The following PIK3R1 variants were observed in gnomAD, a reference collection of about 807,000 sequenced individuals.
PIK3R1 encodes phosphatidylinositol 3-kinase regulatory subunit alpha.
PIK3R1 carries 29 observed loss-of-function variants against 98.0 expected under a neutral mutation model. The observed-to-expected ratio is 0.30, with a 90% CI of 0.22 to 0.40. The LOEUF (loss-of-function observed/expected upper bound fraction) is 0.40. PIK3R1 is among the 10% of genes least tolerant of loss of function. PIK3R1 has a pLI of 1.00. For synonymous variants in PIK3R1, 282 were observed against 311.8 expected (o/e 0.90, Z 1.01); for missense variants, 596 against 872.7 (o/e 0.68, Z 3.99).
chr5:68,300,689 A>G lies in PIK3R1; in HGVS notation c.*3088A>G. The G allele has an allele frequency of 4.3e-6, 1 of 233,324 alleles. No individual in the cohort carries two copies. Among genetic ancestry groups the G allele is most frequent in the Non-Finnish European group, 8.5e-6 (1 of 118,058 alleles). 14.5% of individuals were successfully genotyped at this position (233,324 alleles called of 1,614,324 possible). A position where few individuals can be genotyped will look rare whatever the true frequency, so the allele number is the denominator to read the frequency against. ...CTTTCAGCCAAAACAGATCCACAGT[A>G]GTTGTTGAGTTCAAGTACATAAAGT... is the stretch of plus-strand genomic sequence containing the variant. On this transcript the variant is annotated 3_prime_UTR_variant, in exon 16 of 16. Transcript: ENST00000521381.
chr5:68,301,651 G>A lies in PIK3R1; in HGVS notation c.*4050G>A, dbSNP rs531471181. The A allele has an allele frequency of 2.4e-4, 31 of 131,656 alleles. No homozygotes were observed. Among genetic ancestry groups the A allele is most frequent in the Admixed American group, 4.6e-4 (5 of 10,878 alleles). The allele number at this position is 131,656 out of a possible 1,614,324, so 8.2% of individuals were successfully genotyped here. On this transcript the variant is annotated 3_prime_UTR_variant, in exon 16 of 16. Transcript: ENST00000521381. ...CTTTTGACGAGAGGGAGGATGTCACGGTCAGTTGTAACTTTGCCTTCACAA... is the reference window on the plus strand; with the variant it reads ...CTTTTGACGAGAGGGAGGATGTCACAGTCAGTTGTAACTTTGCCTTCACAA...
chr5:68,298,112 A>G lies in PIK3R1; in HGVS notation c.*511A>G, dbSNP rs1192092910. Reference sequence around the variant, plus strand: ...ACTGTGGATTATTTCATTTTGTAACAAATGAACGATATGTAGCAGAAAGGC... The same window carrying G: ...ACTGTGGATTATTTCATTTTGTAACGAATGAACGATATGTAGCAGAAAGGC... On this transcript the variant is annotated 3_prime_UTR_variant, in exon 16 of 16. Transcript: ENST00000521381. 1 of 230,886 alleles carries G rather than the reference A, an allele frequency of 4.3e-6. No homozygotes were observed. The highest frequency in any genetic ancestry group is 6.2e-5 in the East Asian group (1 of 16,186). 14.3% of individuals were successfully genotyped at this position (230,886 alleles called of 1,614,324 possible). A position where few individuals can be genotyped will look rare whatever the true frequency, so the allele number is the denominator to read the frequency against.
intron 2 of PIK3R1, among the ~76,000 whole-genome samples, chr5:68,231,051 A>G (rs1247310693): frequency 6.6e-6 from 1 of 152,160 alleles, no homozygotes. Context: ...TTTCTCTTGT[A>G]CACAACGAAA....
At chr5:68,290,926 GT>G in intron 7 of PIK3R1, 2 of 789,806 alleles carry the variant, frequency 2.5e-6, no homozygotes, top group Non-Finnish European at 4.0e-6. Context: ...TTGGATTTCT[GT>G]TTTTATTAAT....
In PIK3R1 at chr5:68,273,700, T is replaced by TA. The variant is rs1300120818; in HGVS notation, c.427+219dup. 6.7e-6 allele frequency: 4 copies of TA among 594,186 alleles called. No individual in the cohort carries two copies. In the Admixed American group the frequency reaches 1.2e-4, roughly 18 times the overall value. 36.8% of individuals were successfully genotyped at this position (594,186 alleles called of 1,614,324 possible). ...TATCATGTAGTTTCCATATGGAAAC[T>TA]ATTAAATTCTTCATAATTTAATAAA... On this transcript the variant is annotated intron_variant, in intron 3 of 15. Transcript: ENST00000521381.
chr5:68,223,895 ATGG>A (rs1033689751), intron 1 of PIK3R1, among the ~76,000 whole-genome samples: 16 of 152,232 alleles, frequency 1.1e-4, no homozygotes, highest in African/African-American at 3.6e-4. Context: ...GGCTTGCTTG[ATGG>A]TTCCTGGAGG....
In PIK3R1 at chr5:68,300,283, T is replaced by C; in HGVS notation, c.*2682T>C. On this transcript the variant is annotated 3_prime_UTR_variant, in exon 16 of 16. Transcript: ENST00000521381. ...CTGTTCTGCCCAATGCCTTTTTGAT[T>C]ACAGTGTAGCTTGCCCACCGCATTT... 1 of 233,194 alleles carries C rather than the reference T, an allele frequency of 4.3e-6. No individual in the cohort carries two copies. Among genetic ancestry groups the C allele is most frequent in the Non-Finnish European group, 8.5e-6 (1 of 117,982 alleles). The allele number at this position is 233,194 out of a possible 1,614,324, so 14.4% of individuals were successfully genotyped here. A position where few individuals can be genotyped will look rare whatever the true frequency, so the allele number is the denominator to read the frequency against.
chr5:68,266,849 C>G (rs942799390), intron 2 of PIK3R1, among the ~76,000 whole-genome samples: 2 of 152,208 alleles, frequency 1.3e-5, no homozygotes, highest in African/African-American at 4.8e-5. Flanking sequence ...GAAAATATTT[C>G]TGTAAAATAC....
intron 2 of PIK3R1, among the ~76,000 whole-genome samples, chr5:68,271,790 A>C (rs2112157559): frequency 7.3e-6 from 1 of 136,164 alleles, no homozygotes; most frequent in African/African-American, 3.4e-5. Flanking sequence ...ATTAGGTGGA[A>C]AGATCATGCA....
intron 5 of PIK3R1, chr5:68,280,155 G>C (rs1033659154): frequency 6.4e-6 from 2 of 313,908 alleles, no homozygotes; most frequent in African/African-American, 4.3e-5. Context: ...GTTCAGTTAA[G>C]TGCTTTGGGG....
intron 2 of PIK3R1, among the ~76,000 whole-genome samples, chr5:68,267,886 C>G (rs1345840664): frequency 6.6e-6 from 1 of 152,046 alleles, no homozygotes; most frequent in Non-Finnish European, 1.5e-5. Context: ...AGGCAAAATG[C>G]AAATGTGCTT....
intron 1 of PIK3R1, among the ~76,000 whole-genome samples, chr5:68,219,548 CAT>C (rs377241574): frequency 2.6e-4 from 39 of 152,360 alleles, no homozygotes; most frequent in African/African-American, 8.7e-4. Context: ...TGCACACACA[CAT>C]GTACACATCC....
chr5:68,288,145 G>A (rs951179276), intron 7 of PIK3R1, among the ~76,000 whole-genome samples: 7 of 152,058 alleles, frequency 4.6e-5, no homozygotes, highest in Non-Finnish European at 7.4e-5. Context: ...CTTCACTGTC[G>A]GCTACTTGAG....
At chr5:68,255,674 A>G (rs1011541838) in intron 2 of PIK3R1, among the ~76,000 whole-genome samples, 1 of 152,230 alleles carries the variant, frequency 6.6e-6, no homozygotes, top group Admixed American at 6.5e-5. Context: ...GAAGGAAATC[A>G]GATGGCGAAA....
chr5:68,249,045 T>C lies in PIK3R1; in HGVS notation c.334+22036T>C, dbSNP rs561783791. Reference sequence around the variant, plus strand: ...GGGAAATAAGATAGCTTCATAAATATTACCAAGGAATTTAAGACATGAGCA... The same window carrying C: ...GGGAAATAAGATAGCTTCATAAATACTACCAAGGAATTTAAGACATGAGCA... On this transcript the variant is annotated intron_variant, in intron 2 of 15. Transcript: ENST00000521381. Among the ~76,000 whole-genome samples, 146 of 152,352 alleles carry C rather than the reference T, an allele frequency of 9.6e-4. 1 individual carries two copies. The highest frequency in any genetic ancestry group is 1.6e-3 in the Non-Finnish European group (106 of 68,028).
At chr5:68,232,198 C>A (rs917547561) in intron 2 of PIK3R1, among the ~76,000 whole-genome samples, 1 of 152,196 alleles carries the variant, frequency 6.6e-6, no homozygotes, top group Non-Finnish European at 1.5e-5. Flanking sequence ...TATTAAATTA[C>A]TTATTGCAAC....
At chr5:68,242,810 C>T (rs990925363) in intron 2 of PIK3R1, among the ~76,000 whole-genome samples, 4 of 152,156 alleles carry the variant, frequency 2.6e-5, no homozygotes, top group African/African-American at 4.8e-5. Context: ...TAAGTTGGAG[C>T]GTGACTATCC....
intron 4 of PIK3R1, among the ~76,000 whole-genome samples, chr5:68,277,455 T>C (rs77876297): frequency 0.013 from 1,907 of 152,308 alleles, 41 homozygotes; most frequent in African/African-American, 0.043. Context: ...TAATAATTCT[T>C]TTCCTCAAGT....
chr5:68,262,874 G>GATGCATGTAGATACATGT (rs1745900478), intron 2 of PIK3R1, among the ~76,000 whole-genome samples: 2 of 87,842 alleles, frequency 2.3e-5, no homozygotes, highest in Non-Finnish European at 4.7e-5. Flanking sequence ...TATACATGTA[G>GATGCATGTAGATACATGT]ATACATGTAG....
Sources: allele counts gnomAD v4.1 joint callset (sites outside exome capture counted in the v4.1 genomes callset), GRCh38; gene constraint gnomAD v4.1.1; transcripts MANE v1.5; gene names NCBI Gene and HGNC (gene_info 2026-07-23, HGNC 2026-07-21).